CTTNBP2: variants seen among roughly 807,000 people sequenced by gnomAD.
The protein encoded by CTTNBP2 is cortactin binding protein 2, also known as cortactin-binding protein 2.
Under a neutral mutation model 156.9 loss-of-function variants are expected in CTTNBP2, and 108 were observed. The observed-to-expected ratio is 0.69, with a 90% CI of 0.59 to 0.81. The LOEUF (loss-of-function observed/expected upper bound fraction) is 0.81. Among genes scored for constraint, CTTNBP2 ranks in the 30% least tolerant of loss-of-function variants. CTTNBP2 has a pLI of 0.00. For missense variants in CTTNBP2, 1,924 were observed against 2,035.4 expected (o/e 0.95, Z 1.05); for synonymous variants, 767 against 751.8 (o/e 1.02, Z -0.33).
At chr7:117,770,028 G>A (rs1797720185) in intron 8 of CTTNBP2, among the ~76,000 whole-genome samples, 1 of 152,138 alleles carries the variant, frequency 6.6e-6, no homozygotes. Context: ...TTCTTGGCCT[G>A]TACTAAACTC....
At chr7:117,791,006 ATGGGGG>A in intron 4 of CTTNBP2, 116 bp downstream of exon 4, 1 of 764,254 alleles carries the variant, frequency 1.3e-6, no homozygotes, top group Non-Finnish European at 2.1e-6. Context: ...AAGAAAAGAA[ATGGGGG>A]TGGGGGGAAG....
At chr7:117,753,552 C>G (rs977757141) in intron 12 of CTTNBP2, among the ~76,000 whole-genome samples, 1 of 152,176 alleles carries the variant, frequency 6.6e-6, no homozygotes, top group Non-Finnish European at 1.5e-5. Context: ...GGTACATATA[C>G]ACCATGGAAT....
chr7:117,773,707 A>ACACACACAC, intron 8 of CTTNBP2, among the ~76,000 whole-genome samples: 1 of 129,058 alleles, frequency 7.7e-6, no homozygotes, highest in African/African-American at 3.4e-5. Context: ...ACACACACAC[A>ACACACACAC]CCCCAAAAAA....
intron 10 of CTTNBP2, 106 bp from the exon 11 acceptor site, chr7:117,758,076 C>T: frequency 1.3e-6 from 1 of 768,668 alleles, no homozygotes. Context: ...GAATTCAGAG[C>T]TTTAATTGTC....
At chr7:117,805,670 G>A (rs772522782) in intron 3 of CTTNBP2, among the ~76,000 whole-genome samples, 28 of 152,164 alleles carry the variant, frequency 1.8e-4, no homozygotes, top group South Asian at 4.2e-4. Context: ...ATCAAGAGTC[G>A]TTGGCTCTTT....
At chr7:117,727,789 T>A (rs571438803) in intron 17 of CTTNBP2, among the ~76,000 whole-genome samples, 58 of 152,340 alleles carry the variant, frequency 3.8e-4, no homozygotes, top group Non-Finnish European at 7.5e-4. Context: ...GTGCATACAA[T>A]ACTTGATGAA....
chr7:117,762,692 T>A lies in CTTNBP2; in HGVS notation c.2897-1982A>T, dbSNP rs866555312. On this transcript the variant is annotated intron_variant, in intron 9 of 22. Transcript: ENST00000160373. ...TGCTACTGTTAAAATGTGCATCAGA[T>A]CCCATCTCTCCTACAATCGAACACT... Among the ~76,000 whole-genome samples the A allele has an allele frequency of 2.0e-5, 3 of 152,194 alleles. No homozygotes were observed. In the South Asian group the frequency reaches 6.2e-4, roughly 31 times the overall value.
intron 2 of CTTNBP2, among the ~76,000 whole-genome samples, chr7:117,835,836 A>G (rs1801902858): frequency 6.6e-6 from 1 of 152,132 alleles, no homozygotes; most frequent in Non-Finnish European, 1.5e-5. Context: ...TTTGGCTCTA[A>G]AGTTCCTAGC....
At chr7:117,746,621 G>A (rs900045574) in intron 12 of CTTNBP2, among the ~76,000 whole-genome samples, 5 of 151,874 alleles carry the variant, frequency 3.3e-5, no homozygotes, top group South Asian at 2.1e-4. Context: ...TAGTGGCTGC[G>A]TGTGTGTGTG....
chr7:117,746,701 T>C (rs1796353002), intron 12 of CTTNBP2, among the ~76,000 whole-genome samples: 1 of 152,202 alleles, frequency 6.6e-6, no homozygotes, highest in Admixed American at 6.5e-5. Flanking sequence ...TGTCTTTGTG[T>C]TGACTTCTTA....
At chr7:117,856,230 TAGAGGA>T (rs1803310031) in intron 2 of CTTNBP2, among the ~76,000 whole-genome samples, 1 of 152,172 alleles carries the variant, frequency 6.6e-6, no homozygotes, top group Non-Finnish European at 1.5e-5. Flanking sequence ...AGACCATACT[TAGAGGA>T]AATGCTTGCC....
chr7:117,807,815 G>T (rs914257122), intron 3 of CTTNBP2, among the ~76,000 whole-genome samples: 1 of 152,192 alleles, frequency 6.6e-6, no homozygotes, highest in African/African-American at 2.4e-5. Flanking sequence ...CTCTGCAGAC[G>T]GTACTTGTTT....
At chr7:117,720,434 G>A (rs987659207) in intron 20 of CTTNBP2, among the ~76,000 whole-genome samples, 5 of 151,970 alleles carry the variant, frequency 3.3e-5, no homozygotes, top group African/African-American at 9.7e-5. Flanking sequence ...TAAAAATCAC[G>A]CCTGTAATCC....
intron 22 of CTTNBP2, chr7:117,713,732 T>A (rs1794184222): frequency 6.6e-6 from 1 of 152,242 alleles, no homozygotes; most frequent in African/African-American, 2.4e-5. Context: ...CAACACAACA[T>A]GTTCATTAAA....
intron 10 of CTTNBP2, chr7:117,760,199 C>T (rs1007929940): frequency 8.3e-5 from 45 of 539,318 alleles, no homozygotes; most frequent in Non-Finnish European, 1.1e-4. Flanking sequence ...GCCTCATCAA[C>T]GGCTTTCATG....
Position 117,756,623 on chromosome 7 carries a change from C to A in CTTNBP2, c.3280G>T (p.Gly1094Cys). Residue 1094 changes from glycine (G) to cysteine (C), a missense_variant, in exon 12 of 23, where the codon GGC (glycine) becomes TGC (cysteine). By Grantham distance (159) the Gly-to-Cys change is radical (BLOSUM62 -3). Transcript: ENST00000160373. ...ITVLLSGPQE[G>C]CLSSVTYASM... ...GCATAAGTCACACTACTGAGACAGC[C>A]TTCTTGAGGACCTGTAGGAAAGGAC... 1 of 1,612,486 alleles carries A rather than the reference C, an allele frequency of 6.2e-7. No individual in the cohort carries two copies. Among genetic ancestry groups the A allele is most frequent in the Non-Finnish European group, 8.5e-7 (1 of 1,178,528 alleles).
chr7:117,725,030 C>G (rs766289070), intron 18 of CTTNBP2, 22 bp downstream of exon 18: 4 of 1,606,042 alleles, frequency 2.5e-6, no homozygotes, highest in Non-Finnish European at 3.4e-6. Flanking sequence ...ATTTCCTCTC[C>G]TCTCTGCAGA....
chr7:117,718,176 A>C, intron 21 of CTTNBP2, 57 bp from the exon 22 acceptor site: 1 of 1,027,016 alleles, frequency 9.7e-7, no homozygotes, highest in South Asian at 1.3e-5. Context: ...TGCATACTCA[A>C]GGCACAGCTA....
intron 1 of CTTNBP2, among the ~76,000 whole-genome samples, chr7:117,861,741 T>A (rs976716517): frequency 5.3e-5 from 8 of 151,960 alleles, no homozygotes; most frequent in Non-Finnish European, 7.4e-5. Flanking sequence ...TTCCAGAACA[T>A]CCAATAATAA....
Sources: gnomAD v4.1 joint callset for allele counts (sites outside exome capture counted in the v4.1 genomes callset) on GRCh38, gnomAD v4.1.1 for gene constraint, MANE v1.5 for transcripts, NCBI Gene and HGNC (gene_info 2026-07-23, HGNC 2026-07-21) for gene names.